INPP5F: variants seen among roughly 807,000 people sequenced by gnomAD.
INPP5F encodes the protein inositol polyphosphate-5-phosphatase F.
In INPP5F, 97 loss-of-function variants were observed where a neutral mutation model predicts 137.2. That is an observed-to-expected ratio of 0.71 (90% CI 0.60 to 0.84). INPP5F has a LOEUF of 0.84. INPP5F is among the 40% of genes least tolerant of loss of function. The probability of loss-of-function intolerance (pLI) is 0.00; values close to 1 mark genes in which losing one functional copy is unlikely to be tolerated. For missense variants in INPP5F, 1,271 were observed against 1,371.9 expected (o/e 0.93, Z 1.16); for synonymous variants, 504 against 476.9 (o/e 1.06, Z -0.74).
chr10:119,827,299 A>T lies in INPP5F; in HGVS notation c.2918A>T (p.His973Leu). Residue 973 changes from histidine to leucine, a missense_variant, in exon 20 of 20, where the codon CAC (histidine) becomes CTC (leucine). Physicochemically the swap from His to Leu is moderately conservative, Grantham distance 99. Coordinates refer to ENST00000650623, the MANE Select transcript of INPP5F (RefSeq NM_014937.4). ...FVQDAQNKVT[H>L]LSETRSVSQQ... ...CAAGATGCACAGAACAAAGTGACCC[A>T]CCTATCAGAGACCAGATCTGTGTCT... 6.2e-7 allele frequency: 1 copy of T among 1,614,136 alleles called. No homozygotes were observed. Among genetic ancestry groups the T allele is most frequent in the Non-Finnish European group, 8.5e-7 (1 of 1,180,006 alleles).
intron 9 of INPP5F, chr10:119,799,347 C>A (rs1850502762): frequency 4.7e-6 from 2 of 426,708 alleles, no homozygotes; most frequent in African/African-American, 2.1e-5. Flanking sequence ...CCTAAAATAA[C>A]ATACAAAAAG....
At chr10:119,774,797 A>T (rs1347109220) in intron 2 of INPP5F, among the ~76,000 whole-genome samples, 4 of 152,110 alleles carry the variant, frequency 2.6e-5, no homozygotes, top group Non-Finnish European at 5.9e-5. Flanking sequence ...TTGGTTTCTC[A>T]AGGTCTGAAA....
chr10:119,765,262 T>C (rs1450905219), intron 2 of INPP5F, among the ~76,000 whole-genome samples: 1 of 151,998 alleles, frequency 6.6e-6, no homozygotes, highest in Non-Finnish European at 1.5e-5. Flanking sequence ...GAATACAGTA[T>C]ATAATACAGC....
At chr10:119,736,997 TACA>T (rs1026684920) in intron 1 of INPP5F, among the ~76,000 whole-genome samples, 4 of 152,142 alleles carry the variant, frequency 2.6e-5, no homozygotes, top group African/African-American at 9.7e-5. Context: ...CTAATTTTTT[TACA>T]ACATTTTTTA....
At chr10:119,811,980 A>C (rs761406695) in intron 15 of INPP5F, 25 bp downstream of exon 15, 3 of 1,591,364 alleles carry the variant, frequency 1.9e-6, no homozygotes, top group Non-Finnish European at 1.7e-6. Context: ...TGTCCAGGTG[A>C]CCAGCTTGCT....
intron 1 of INPP5F, among the ~76,000 whole-genome samples, chr10:119,741,852 A>G (rs1848385184): frequency 6.6e-6 from 1 of 150,782 alleles, no homozygotes; most frequent in African/African-American, 2.4e-5. Flanking sequence ...ATTTTTTTTG[A>G]GATGGAGTCT....
At chr10:119,809,599 AC>A (rs1190372314) in intron 13 of INPP5F, among the ~76,000 whole-genome samples, 2 of 152,320 alleles carry the variant, frequency 1.3e-5, no homozygotes, top group East Asian at 3.9e-4. Flanking sequence ...GGGTTGTTCT[AC>A]AGGTGCTGGT....
chr10:119,776,601 G>T (rs578215192), intron 2 of INPP5F, among the ~76,000 whole-genome samples: 31 of 151,830 alleles, frequency 2.0e-4, no homozygotes, highest in African/African-American at 7.5e-4. Context: ...TTGTAATGTC[G>T]ATATGAAATG....
chr10:119,785,446 C>T (rs913583618), intron 3 of INPP5F, among the ~76,000 whole-genome samples: 14 of 150,696 alleles, frequency 9.3e-5, no homozygotes, highest in African/African-American at 2.2e-4. Context: ...CCACCACACC[C>T]GACTCATTTT....
chr10:119,810,509 A>T (rs536522208), intron 14 of INPP5F, among the ~76,000 whole-genome samples: 62 of 152,330 alleles, frequency 4.1e-4, no homozygotes, highest in African/African-American at 1.5e-3. Context: ...AAGGTGCCCT[A>T]AAACCTCAAC....
intron 1 of INPP5F, among the ~76,000 whole-genome samples, chr10:119,749,048 C>G (rs1848618796): frequency 2.6e-5 from 4 of 152,222 alleles, no homozygotes; most frequent in Admixed American, 2.6e-4. Flanking sequence ...CAGCAGTGTC[C>G]AAGCCTGTGC....
intron 2 of INPP5F, among the ~76,000 whole-genome samples, chr10:119,753,814 G>A (rs1848756668): frequency 6.6e-6 from 1 of 152,116 alleles, no homozygotes; most frequent in Admixed American, 6.5e-5. Context: ...CTCTTTGGTT[G>A]CAAATACAAA....
At chr10:119,767,636 A>C (rs2134154244) in intron 2 of INPP5F, among the ~76,000 whole-genome samples, 1 of 152,354 alleles carries the variant, frequency 6.6e-6, no homozygotes, top group East Asian at 1.9e-4. Context: ...TGTTTATACT[A>C]GAAAAACAAT....
rs1297530747 is a variant in INPP5F, at chr10:119,829,121, A to T, written c.*1341A>T. 6.6e-6 allele frequency: 1 copy of T among 152,200 alleles called. No individual in the cohort carries two copies. The highest frequency in any genetic ancestry group is 1.9e-4 in the East Asian group (1 of 5,196). The allele number at this position is 152,200 out of a possible 1,614,324, so 9.4% of individuals were successfully genotyped here. On this transcript the variant is annotated 3_prime_UTR_variant, in exon 20 of 20. Coordinates refer to ENST00000650623, the MANE Select transcript of INPP5F (RefSeq NM_014937.4). ...CGTGTTAAATCTTGTGATTATTAAA[A>T]TAAAGTACCATTGTAATTTAAAGTG...
chr10:119,818,445 C>T (rs535384593), intron 15 of INPP5F, among the ~76,000 whole-genome samples: 101 of 152,342 alleles, frequency 6.6e-4, no homozygotes, highest in Non-Finnish European at 1.1e-3. Context: ...GCCAGACGCT[C>T]GGTGCAGTAC....
At chr10:119,763,865 A>G (rs1011154689) in intron 2 of INPP5F, among the ~76,000 whole-genome samples, 4 of 152,178 alleles carry the variant, frequency 2.6e-5, no homozygotes, top group African/African-American at 7.2e-5. Flanking sequence ...TAAATATCCA[A>G]TTTCACTCTT....
chr10:119,785,590 C>A (rs1191247428), intron 3 of INPP5F, among the ~76,000 whole-genome samples: 1 of 89,330 alleles, frequency 1.1e-5, no homozygotes, highest in Non-Finnish European at 2.6e-5. Context: ...CTGAGACTGA[C>A]TTTGCCTGTA....
At chr10:119,798,179 TTCTC>T (rs936063143) in intron 8 of INPP5F, among the ~76,000 whole-genome samples, 52 of 151,970 alleles carry the variant, frequency 3.4e-4, no homozygotes, top group African/African-American at 9.4e-4. Context: ...TAAAGTAAAT[TTCTC>T]TCTCAACTTA....
intron 2 of INPP5F, among the ~76,000 whole-genome samples, chr10:119,772,693 C>T (rs905380380): frequency 6.6e-6 from 1 of 152,014 alleles, no homozygotes; most frequent in African/African-American, 2.4e-5. Flanking sequence ...GCATGGCTTG[C>T]AGTGGGAATT....
Sources: gnomAD v4.1 joint callset for allele counts (sites outside exome capture counted in the v4.1 genomes callset) on GRCh38, gnomAD v4.1.1 for gene constraint, MANE v1.5 for transcripts, NCBI Gene and HGNC (gene_info 2026-07-23, HGNC 2026-07-21) for gene names.